Variants in C1orf21 observed in about 807,000 individuals in gnomAD.
The protein encoded by C1orf21 is uncharacterized protein C1orf21.
Under a neutral mutation model 18.7 loss-of-function variants are expected in C1orf21, and 3 were observed. That is an observed-to-expected ratio of 0.16 (90% CI 0.07 to 0.42). C1orf21 has a LOEUF of 0.42. Among genes scored for constraint, C1orf21 ranks in the 10% least tolerant of loss-of-function variants. C1orf21 has a pLI of 0.99. For missense variants in C1orf21, 104 were observed against 143.6 expected, an observed-to-expected ratio of 0.72 and a Z score of 1.41; for synonymous variants, 41 against 46.4, an observed-to-expected ratio of 0.88 and a Z score of 0.47.
intron 1 of C1orf21, among the ~76,000 whole-genome samples, chr1:184,451,462 A>ATTTTTTTTT (rs374550435): frequency 2.6e-5 from 2 of 77,792 alleles, no homozygotes; most frequent in African/African-American, 9.9e-5. Context: ...GGCTAATTTA[A>ATTTTTTTTT]TTTTTTTTTT....
At chr1:184,539,944 C>G (rs1322259836) in intron 3 of C1orf21, 1 of 152,214 alleles carries the variant, frequency 6.6e-6, no homozygotes, top group Non-Finnish European at 1.5e-5. Context: ...AAGGACATGA[C>G]ACGGAGCAGT....
chr1:184,393,894 A>T (rs901176058), intron 1 of C1orf21, among the ~76,000 whole-genome samples: 6 of 152,034 alleles, frequency 3.9e-5, no homozygotes, highest in Non-Finnish European at 7.4e-5. Flanking sequence ...ACTTGAACTA[A>T]TTTTTTCCAA....
chr1:184,441,307 C>T (rs987341706), intron 1 of C1orf21, among the ~76,000 whole-genome samples: 38 of 152,168 alleles, frequency 2.5e-4, no homozygotes, highest in African/African-American at 8.7e-4. Flanking sequence ...ACTTTTCCTA[C>T]GCTGAAAGAT....
At chr1:184,515,803 A>G (rs946434719) in intron 3 of C1orf21, among the ~76,000 whole-genome samples, 1 of 152,050 alleles carries the variant, frequency 6.6e-6, no homozygotes, top group Non-Finnish European at 1.5e-5. Flanking sequence ...AGCTTTACAC[A>G]TATTACATTA....
At chr1:184,462,704 T>C (rs1194789483) in intron 1 of C1orf21, among the ~76,000 whole-genome samples, 1 of 152,088 alleles carries the variant, frequency 6.6e-6, no homozygotes, top group Non-Finnish European at 1.5e-5. Context: ...ATACAGTGCA[T>C]CAAAAAGTAA....
At chr1:184,496,209 C>T (rs1657891903) in intron 2 of C1orf21, among the ~76,000 whole-genome samples, 1 of 152,122 alleles carries the variant, frequency 6.6e-6, no homozygotes, top group Admixed American at 6.5e-5. Context: ...AATTTCTGGG[C>T]TCTCCTCAGT....
chr1:184,459,936 G>C (rs960144600), intron 1 of C1orf21, among the ~76,000 whole-genome samples: 1 of 152,044 alleles, frequency 6.6e-6, no homozygotes, highest in Non-Finnish European at 1.5e-5. Flanking sequence ...TCCTCTGGCC[G>C]CTTCCAGTCT....
intron 1 of C1orf21, among the ~76,000 whole-genome samples, chr1:184,441,220 T>G (rs1476778085): frequency 6.6e-6 from 1 of 152,238 alleles, no homozygotes; most frequent in Non-Finnish European, 1.5e-5. Flanking sequence ...ACCTTGTTTC[T>G]CCCGTTTCTT....
chr1:184,508,976 T>C (rs982047590), intron 3 of C1orf21, among the ~76,000 whole-genome samples: 7 of 152,202 alleles, frequency 4.6e-5, no homozygotes, highest in African/African-American at 1.7e-4. Context: ...CAGTAGTCAT[T>C]TTTCTACTTT....
chr1:184,608,778 G>A (rs1005919564), intron 5 of C1orf21, among the ~76,000 whole-genome samples: 24 of 152,114 alleles, frequency 1.6e-4, no homozygotes, highest in African/African-American at 5.8e-4. Context: ...AAGTCCCATG[G>A]GCCTACTTAT....
rs1327137510 is a variant in C1orf21, at chr1:184,620,335, T to G, written c.*779T>G. The G allele has an allele frequency of 6.6e-6, 1 of 152,626 alleles. No individual in the cohort carries two copies. Among genetic ancestry groups the G allele is most frequent in the African/African-American group, 2.4e-5 (1 of 41,442 alleles). 9.5% of individuals were successfully genotyped at this position (152,626 alleles called of 1,614,324 possible). A position where few individuals can be genotyped will look rare whatever the true frequency, so the allele number is the denominator to read the frequency against. ...TTTACTGTTTTTATGGATCCTTGTC[T>G]TCTCCCATTCATCCAGCTCAGTGTT... On this transcript the variant is annotated 3_prime_UTR_variant, in exon 6 of 6. Coordinates refer to ENST00000235307, the MANE Select transcript of C1orf21 (RefSeq NM_030806.4).
intron 3 of C1orf21, among the ~76,000 whole-genome samples, chr1:184,584,584 A>G (rs1046784858): frequency 2.0e-5 from 3 of 152,214 alleles, no homozygotes; most frequent in African/African-American, 7.2e-5. Flanking sequence ...ACCTAAGGGA[A>G]ATGAAAACGT....
chr1:184,565,116 A>G (rs956879276), intron 3 of C1orf21, among the ~76,000 whole-genome samples: 2 of 152,224 alleles, frequency 1.3e-5, no homozygotes, highest in African/African-American at 4.8e-5. Flanking sequence ...GTTAGAACAA[A>G]AAAGTATTTC....
chr1:184,433,610 T>G (rs1166778569), intron 1 of C1orf21, among the ~76,000 whole-genome samples: 1 of 152,210 alleles, frequency 6.6e-6, no homozygotes, highest in East Asian at 1.9e-4. Flanking sequence ...ATTAAAAATT[T>G]TTTAGTTGTC....
intron 1 of C1orf21, among the ~76,000 whole-genome samples, chr1:184,397,426 AAC>A (rs1021201553): frequency 3.8e-4 from 58 of 152,142 alleles, no homozygotes; most frequent in Non-Finnish European, 1.5e-4. Context: ...CTCTACTAAA[AAC>A]ACAAAAAATT....
intron 3 of C1orf21, among the ~76,000 whole-genome samples, chr1:184,536,422 G>A (rs1658553992): frequency 6.6e-6 from 1 of 152,032 alleles, no homozygotes; most frequent in Non-Finnish European, 1.5e-5. Flanking sequence ...GGACCAAGGG[G>A]AAGACACACC....
At chr1:184,496,551 A>C (rs554696146) in intron 2 of C1orf21, among the ~76,000 whole-genome samples, 1 of 152,354 alleles carries the variant, frequency 6.6e-6, no homozygotes, top group South Asian at 2.1e-4. Flanking sequence ...GTGCTGCTTC[A>C]GTTGCAAACC....
In C1orf21 at chr1:184,458,258, G is replaced by A. The variant is rs540884047; in HGVS notation, c.-124-19128G>A. On this transcript the variant is annotated intron_variant, in intron 1 of 5. Coordinates refer to ENST00000235307, the MANE Select transcript of C1orf21 (RefSeq NM_030806.4). ...TTTAAGGGGCTGGATAACTGATTCC[G>A]GTGGGGGAAGTTCTTACTATTTTAT... 2.6e-5 allele frequency among the ~76,000 whole-genome samples: 4 copies of A among 152,282 alleles called. No individual in the cohort carries two copies. In the East Asian group the frequency reaches 5.8e-4, roughly 22 times the overall value.
intron 5 of C1orf21, among the ~76,000 whole-genome samples, chr1:184,616,257 C>G (rs1163736339): frequency 6.6e-6 from 1 of 152,208 alleles, no homozygotes; most frequent in African/African-American, 2.4e-5. Flanking sequence ...AAAAATGAAG[C>G]TGAATTGAAT....
Sources: allele counts gnomAD v4.1 joint callset (sites outside exome capture counted in the v4.1 genomes callset), GRCh38; gene constraint gnomAD v4.1.1; transcripts MANE v1.5; gene names NCBI Gene and HGNC (gene_info 2026-07-23, HGNC 2026-07-21).